The following KCNH3 variants were observed in gnomAD, a reference collection of about 807,000 sequenced individuals.
KCNH3 encodes the protein potassium voltage-gated channel subfamily H member 3.
In KCNH3, 36 loss-of-function variants were observed where a neutral mutation model predicts 95.6. The ratio of observed to expected loss-of-function variants is 0.38; its 90% CI spans 0.29 to 0.50. The LOEUF (loss-of-function observed/expected upper bound fraction) is 0.50. Ranked by LOEUF, KCNH3 falls within the 20% of genes least tolerant of loss-of-function variation. The pLI is 0.95. For synonymous variants in KCNH3, 620 were observed against 646.3 expected, an observed-to-expected ratio of 0.96 and a Z score of 0.62; for missense variants, 1,030 against 1,484.1, an observed-to-expected ratio of 0.69 and a Z score of 5.03.
At position 49,549,136 on chromosome 12, in the gene KCNH3, C is replaced by A; in HGVS notation, c.1431C>A (p.Thr477=). 6.2e-7 allele frequency: 1 copy of A among 1,610,836 alleles called. No individual in the cohort carries two copies. The change falls in exon 8 of 15, where the codon ACC becomes ACA. Residue 477 remains threonine (T), a synonymous_variant. Coordinates refer to ENST00000257981, the MANE Select transcript of KCNH3 (RefSeq NM_012284.3). ...GFGNVSANTD[T]EKIFSICTML... is the part of the protein sequence containing the mutation. ...GCAACGTGTCCGCCAACACGGACAC[C>A]GAGAAGATCTTCTCCATCTGCACCA...
intron 2 of KCNH3, 65 bp downstream of exon 2, chr12:49,541,197 T>C: frequency 8.4e-7 from 1 of 1,183,610 alleles, no homozygotes. Flanking sequence ...ACCAGCCCCA[T>C]CCACTGTCCC....
At chr12:49,553,962 T>C (rs1024072800) in intron 10 of KCNH3, among the ~76,000 whole-genome samples, 3 of 152,254 alleles carry the variant, frequency 2.0e-5, no homozygotes, top group Non-Finnish European at 4.4e-5. Flanking sequence ...TAGGTAGAGA[T>C]AGGGCCTGGG....
intron 5 of KCNH3, 92 bp downstream of exon 5, chr12:49,543,610 G>GC (rs1156852159): frequency 2.9e-5 from 43 of 1,472,456 alleles, no homozygotes; most frequent in Non-Finnish European, 3.6e-5. Context: ...GTGCTACAGT[G>GC]CCCCCCTCGC....
rs1217575246 is a variant in KCNH3, at chr12:49,555,960, A to T, written c.2468+9A>T. ...CCAGATCTGAGCCCCAGGTGAGCAG[A>T]CCCTAGGCCCCCGTGGCAGAGATGG... On this transcript the variant is annotated intron_variant, in intron 12 of 14. Transcript: ENST00000257981. 1 of 1,382,424 alleles carries T rather than the reference A, an allele frequency of 7.2e-7. No homozygotes were observed. The highest frequency in any genetic ancestry group is 1.4e-5 in the African/African-American group (1 of 70,086). The allele number at this position is 1,382,424 out of a possible 1,614,324, so 85.6% of individuals were successfully genotyped here.
chr12:49,545,113 G>A (rs192637900), intron 7 of KCNH3, among the ~76,000 whole-genome samples: 110 of 152,148 alleles, frequency 7.2e-4, no homozygotes, highest in Non-Finnish European at 1.3e-3. Flanking sequence ...TCAGCTGTGG[G>A]TGATGCAGCC....
Position 49,554,470 on chromosome 12 carries a change from G to A in KCNH3, c.2052G>A (p.Leu684=). The A allele has an allele frequency of 6.2e-7, 1 of 1,613,606 alleles. No individual in the cohort carries two copies. The highest frequency in any genetic ancestry group is 8.5e-7 in the Non-Finnish European group (1 of 1,180,024). ...QLAGLHDSLA[L]YPEFAPRFSR... is the part of the protein sequence containing the mutation. ...CTGGCCTGCACGACAGCCTTGCGCT[G>A]TACCCCGAGTTTGCCCCGCGCTTCA... The change falls in exon 11 of 15, where the codon CTG becomes CTA. Residue 684 remains leucine (L), a synonymous_variant. Transcript: ENST00000257981.
Position 49,550,086 on chromosome 12 carries a change from C to A in KCNH3, c.1675C>A (p.Gln559Lys). The change falls in exon 10 of 15, where the codon CAG (glutamine) becomes AAG (lysine). Residue 559 changes from glutamine to lysine, a missense_variant. By Grantham distance (53) the Gln-to-Lys change is moderately conservative. Around this residue, in one of 9 missense-constraint regions of KCNH3, gnomAD observed 160 missense variants for 316.2 expected, o/e 0.51. Coordinates refer to ENST00000257981, the MANE Select transcript of KCNH3 (RefSeq NM_012284.3). ...CGCACCTGCTCACCTGCAGCTGCTG[C>A]AGAGCCTCCCTGACGAGCTGCGCGC... ...NNGIDTTELL[Q>K]SLPDELRADI... 7.6e-7 allele frequency: 1 copy of A among 1,310,514 alleles called. No homozygotes were observed. The highest frequency in any genetic ancestry group is 1.0e-6 in the Non-Finnish European group (1 of 970,152). 81.2% of individuals were successfully genotyped at this position (1,310,514 alleles called of 1,614,324 possible).
chr12:49,543,418 T>C lies in KCNH3; in HGVS notation c.723T>C (p.Thr241=), dbSNP rs144600868. 6.2e-7 allele frequency: 1 copy of C among 1,609,478 alleles called. No homozygotes were observed. Among genetic ancestry groups the C allele is most frequent in the Non-Finnish European group, 8.5e-7 (1 of 1,179,996 alleles). Residue 241 remains threonine (T), a synonymous_variant, in exon 5 of 15, where the codon ACT becomes ACC. Coordinates refer to ENST00000257981, the MANE Select transcript of KCNH3 (RefSeq NM_012284.3). ...ILLATLYVAV[T]VPYSVCVSTA... ...TCGCCACACTCTATGTGGCTGTCAC[T>C]GTGCCCTACAGCGTGTGTGTGAGCA...
At chr12:49,541,970 T>TG (rs1180669440) in intron 3 of KCNH3, among the ~76,000 whole-genome samples, 1 of 152,224 alleles carries the variant, frequency 6.6e-6, no homozygotes, top group Admixed American at 6.5e-5. Flanking sequence ...GAGACAAAGT[T>TG]GGAGTTTTTA....
chr12:49,541,266 C>G (rs1937862494), intron 2 of KCNH3, 134 bp downstream of exon 2: 1 of 718,648 alleles, frequency 1.4e-6, no homozygotes, highest in Non-Finnish European at 2.3e-6. Context: ...TCCCATCCCC[C>G]CATCCAACCC....
At chr12:49,556,247 G>A in intron 12 of KCNH3, 123 bp from the exon 13 acceptor site, 2 of 740,568 alleles carry the variant, frequency 2.7e-6, no homozygotes, top group Non-Finnish European at 4.8e-6. Flanking sequence ...GCTTTCTCCT[G>A]GGCTCCTGGT....
intron 7 of KCNH3, 46 bp downstream of exon 7, chr12:49,544,428 G>C (rs200845032): frequency 3.1e-5 from 49 of 1,586,024 alleles, no homozygotes; most frequent in Middle Eastern, 2.0e-4. Context: ...AGTTGTGTCA[G>C]AGGAGTGTGA....
chr12:49,551,392 G>A lies in KCNH3; in HGVS notation c.1918+1063G>A, dbSNP rs527459229. Among the ~76,000 whole-genome samples, 23 of 152,082 alleles carry A rather than the reference G, an allele frequency of 1.5e-4. 1 individual carries two copies. The highest frequency in any genetic ancestry group is 1.4e-3 in the Admixed American group (22 of 15,282). ...GGAGTTCAAGACCAGCCTGGCCAAC[G>A]TGGTGAAATCCTGTATCTACTAAAA... On this transcript the variant is annotated intron_variant, in intron 10 of 14. Transcript: ENST00000257981.
rs767658573 is a variant in KCNH3, at chr12:49,543,358, G to A, written c.663G>A (p.Gly221=). The A allele has an allele frequency of 3.1e-6, 5 of 1,613,404 alleles. No homozygotes were observed. The highest frequency in any genetic ancestry group is 3.4e-6 in the Non-Finnish European group (4 of 1,180,024). Residue 221 remains glycine, a synonymous_variant, in exon 5 of 15, where the codon GGG becomes GGA. Transcript: ENST00000257981. ...RKSPFILLHC[G]ALRATWDGFI... is the part of the protein sequence containing the mutation. ...CGCCCTTCATCCTGTTGCACTGTGG[G>A]GCACTGAGAGCCACCTGGGATGGCT...
intron 3 of KCNH3, 93 bp downstream of exon 3, chr12:49,541,857 C>T (rs1208497504): frequency 2.9e-6 from 4 of 1,358,926 alleles, no homozygotes; most frequent in East Asian, 4.6e-5. Flanking sequence ...GTCCCCCATG[C>T]ACCTGCATTC....
rs1438628033 is a variant in KCNH3 at position 49,543,921 on chromosome 12, T to C, written c.830T>C (p.Val277Ala). 1.9e-6 allele frequency: 3 copies of C among 1,608,130 alleles called. No homozygotes were observed. Among genetic ancestry groups the C allele is most frequent in the Non-Finnish European group, 2.6e-6 (3 of 1,175,010 alleles). The change falls in exon 6 of 15, where the codon GTG (valine) becomes GCG (alanine). Residue 277 changes from valine (V) to alanine (A), a missense_variant. Transcript: ENST00000257981. ...AVEVLFILDI[V>A]LNFRTTFVSK... ...CCACCCGGATTCCCCACAGACATTG[T>C]GCTGAATTTCCGTACCACATTCGTG... is the stretch of plus-strand genomic sequence containing the variant.
At chr12:49,553,240 A>T (rs138037354) in intron 10 of KCNH3, among the ~76,000 whole-genome samples, 1 of 152,012 alleles carries the variant, frequency 6.6e-6, no homozygotes, top group African/African-American at 2.4e-5. Context: ...GGCTCAAGTG[A>T]TCCATCCACC....
chr12:49,553,693 C>A (rs1259152385), intron 10 of KCNH3, among the ~76,000 whole-genome samples: 1 of 152,202 alleles, frequency 6.6e-6, no homozygotes, highest in African/African-American at 2.4e-5. Flanking sequence ...TCTTAACCTG[C>A]CTGTGGGAAA....
intron 7 of KCNH3, among the ~76,000 whole-genome samples, chr12:49,548,363 C>T (rs927924419): frequency 6.6e-6 from 1 of 151,936 alleles, no homozygotes; most frequent in African/African-American, 2.4e-5. Context: ...AGTGTGTGTG[C>T]ATGTCCATGC....
Sources: gnomAD v4.1 joint callset for allele counts (sites outside exome capture counted in the v4.1 genomes callset) on GRCh38, gnomAD v4.1.1 for gene constraint, gnomAD v4.1.1 regional missense constraint, MANE v1.5 for transcripts, NCBI Gene and HGNC (gene_info 2026-07-23, HGNC 2026-07-21) for gene names.